The following NSRP1 variants were observed in gnomAD, a reference collection of about 807,000 sequenced individuals.
NSRP1 encodes the protein coiled-coil domain containing 55.
NSRP1 carries 24 observed loss-of-function variants against 54.7 expected under a neutral mutation model. That is an observed-to-expected ratio of 0.44 (90% CI 0.32 to 0.62). NSRP1 has a LOEUF of 0.62. NSRP1 is among the 20% of genes least tolerant of loss of function. The pLI, the probability that NSRP1 is intolerant of heterozygous loss-of-function variation, is 0.06. For synonymous variants in NSRP1, 210 were observed against 213.8 expected (o/e 0.98, Z 0.15); for missense variants, 596 against 651.2 (o/e 0.92, Z 0.92).
chr17:30,147,041 A>C (rs886729593), intron 2 of NSRP1, among the ~76,000 whole-genome samples: 6 of 151,996 alleles, frequency 3.9e-5, no homozygotes, highest in African/African-American at 1.4e-4. Flanking sequence ...GTCTATCCTA[A>C]GTGATATCCT....
At position 30,179,108 on chromosome 17, in the gene NSRP1, T is replaced by G; in HGVS notation, c.319T>G (p.Leu107Val). The change falls in exon 5 of 7, where the codon TTG becomes GTG. Residue 107 changes from leucine (L) to valine (V), a missense_variant. Leu to Val is a conservative substitution (Grantham distance 32, BLOSUM62 1). Coordinates refer to ENST00000247026, the MANE Select transcript of NSRP1 (RefSeq NM_032141.4). ...KDRKPKYIHN[L>V]LKAVEIRKKE... Reference sequence around the variant, plus strand: ...TCCTTAGCCCAAGTATATTCACAACTTGCTAAAAGCAGTTGAGATCAGAAA... The same window carrying G: ...TCCTTAGCCCAAGTATATTCACAACGTGCTAAAAGCAGTTGAGATCAGAAA... 1 of 1,580,790 alleles carries G rather than the reference T, an allele frequency of 6.3e-7. No individual in the cohort carries two copies.
chr17:30,156,707 CG>C (rs561377497), intron 2 of NSRP1: 12 of 152,104 alleles, frequency 7.9e-5, no homozygotes, highest in African/African-American at 2.9e-4. Flanking sequence ...TTAGTAGAGA[CG>C]GGGTTTCTCC....
intron 6 of NSRP1, 139 bp from the exon 7 acceptor site, chr17:30,184,476 A>AT: frequency 9.2e-7 from 1 of 1,087,296 alleles, no homozygotes; most frequent in Non-Finnish European, 1.2e-6. Flanking sequence ...ACCTTTTTGC[A>AT]TTTGGATAAT....
At chr17:30,118,748 T>TC (rs2071568011) in intron 2 of NSRP1, among the ~76,000 whole-genome samples, 2 of 149,778 alleles carry the variant, frequency 1.3e-5, no homozygotes, top group African/African-American at 5.0e-5. Flanking sequence ...TTTTCTTTTC[T>TC]CTTTTTTTTT....
At chr17:30,173,667 T>A (rs918949424) in intron 3 of NSRP1, among the ~76,000 whole-genome samples, 1 of 152,358 alleles carries the variant, frequency 6.6e-6, no homozygotes, top group South Asian at 2.1e-4. Flanking sequence ...TTAAGAATGA[T>A]CTTTAATTCT....
intron 2 of NSRP1, among the ~76,000 whole-genome samples, chr17:30,135,529 AG>A (rs1263731731): frequency 6.6e-6 from 1 of 151,778 alleles, no homozygotes; most frequent in Non-Finnish European, 1.5e-5. Flanking sequence ...GCTGGAGTGC[AG>A]TGGCGCGATC....
intron 2 of NSRP1, among the ~76,000 whole-genome samples, chr17:30,147,794 T>A (rs2143002940): frequency 6.6e-6 from 1 of 151,144 alleles, no homozygotes; most frequent in East Asian, 1.9e-4. Flanking sequence ...AAGGAACTCT[T>A]CTATTCATCA....
intron 2 of NSRP1, among the ~76,000 whole-genome samples, chr17:30,160,247 G>A (rs1235421973): frequency 1.3e-5 from 2 of 152,086 alleles, no homozygotes; most frequent in African/African-American, 4.8e-5. Context: ...ACTATGGCCT[G>A]TAGTTTTTTT....
chr17:30,118,248 A>G (rs1203919058), intron 2 of NSRP1, 75 bp downstream of exon 2: 1 of 1,128,968 alleles, frequency 8.9e-7, no homozygotes, highest in African/African-American at 1.5e-5. Flanking sequence ...TGACTCTGAT[A>G]CCTTTGCCTT....
At chr17:30,120,536 GT>G (rs942532815) in intron 2 of NSRP1, among the ~76,000 whole-genome samples, 5 of 151,754 alleles carry the variant, frequency 3.3e-5, no homozygotes, top group Non-Finnish European at 7.4e-5. Flanking sequence ...CGCTTTAACA[GT>G]TTTTTTTGGG....
At chr17:30,122,951 T>A (rs184815188) in intron 2 of NSRP1, among the ~76,000 whole-genome samples, 80 of 152,122 alleles carry the variant, frequency 5.3e-4, no homozygotes, top group Non-Finnish European at 4.1e-4. Context: ...TACCTTTTTT[T>A]AAAAAAAATT....
intron 2 of NSRP1, among the ~76,000 whole-genome samples, chr17:30,118,749 CT>C (rs570877718): frequency 2.9e-3 from 403 of 138,518 alleles, no homozygotes; most frequent in Middle Eastern, 3.6e-3. Context: ...TTTCTTTTCT[CT>C]TTTTTTTTTT....
intron 2 of NSRP1, among the ~76,000 whole-genome samples, chr17:30,147,732 G>T (rs1228110958): frequency 6.6e-6 from 1 of 151,948 alleles, no homozygotes; most frequent in Non-Finnish European, 1.5e-5. Flanking sequence ...TAAAGTGCTG[G>T]GATTACAGGT....
chr17:30,155,099 C>T (rs563583377), intron 2 of NSRP1, among the ~76,000 whole-genome samples: 16 of 151,226 alleles, frequency 1.1e-4, no homozygotes, highest in African/African-American at 3.9e-4. Context: ...GATTTACTAC[C>T]TTTTTTTTTC....
chr17:30,120,235 A>AT (rs369648326), intron 2 of NSRP1, among the ~76,000 whole-genome samples: 3 of 152,236 alleles, frequency 2.0e-5, no homozygotes, highest in Non-Finnish European at 2.9e-5. Flanking sequence ...CTTAAAATGG[A>AT]TTTTTTCCCC....
intron 2 of NSRP1, among the ~76,000 whole-genome samples, chr17:30,147,426 G>A (rs1316729343): frequency 1.1e-4 from 16 of 149,404 alleles, no homozygotes; most frequent in African/African-American, 3.0e-4. Flanking sequence ...CACTGCACTC[G>A]GCCAGACTTT....
chr17:30,133,353 A>G (rs948834424), intron 2 of NSRP1, among the ~76,000 whole-genome samples: 2 of 152,048 alleles, frequency 1.3e-5, no homozygotes, highest in African/African-American at 4.8e-5. Context: ...AACAACATTC[A>G]TCTCCTTGTA....
rs376604907 is a variant in NSRP1, at chr17:30,118,198, T to C, written c.114+25T>C. 23 of 1,567,016 alleles carry C rather than the reference T, an allele frequency of 1.5e-5. No homozygotes were observed. In the African/African-American group the frequency reaches 1.5e-4, roughly 10 times the overall value. On this transcript the variant is annotated intron_variant, in intron 2 of 6. Transcript: ENST00000247026. ...GGTAAGGAAACCTATGTTTTACTCGTGCATGGTTGGAAATGTAAATTTTTT... is the reference window on the plus strand; with the variant it reads ...GGTAAGGAAACCTATGTTTTACTCGCGCATGGTTGGAAATGTAAATTTTTT...
At chr17:30,149,005 A>C (rs2071882405) in intron 2 of NSRP1, among the ~76,000 whole-genome samples, 1 of 152,142 alleles carries the variant, frequency 6.6e-6, no homozygotes, top group African/African-American at 2.4e-5. Flanking sequence ...TTATTTTGTC[A>C]ATCTTCCTAA....
Sources: allele counts gnomAD v4.1 joint callset (sites outside exome capture counted in the v4.1 genomes callset), GRCh38; gene constraint gnomAD v4.1.1; transcripts MANE v1.5; gene names NCBI Gene and HGNC (gene_info 2026-07-23, HGNC 2026-07-21).